SLC13A3: variants seen among roughly 807,000 people sequenced by gnomAD.
The protein encoded by SLC13A3 is Na(+)/dicarboxylate cotransporter 3.
Under a neutral mutation model 59.0 loss-of-function variants are expected in SLC13A3, and 40 were observed. The observed-to-expected ratio is 0.68, with a 90% CI of 0.53 to 0.88. The LOEUF is 0.88. SLC13A3 is among the 40% of genes least tolerant of loss of function. The probability of loss-of-function intolerance (pLI) is 0.00; values close to 1 mark genes in which losing one functional copy is unlikely to be tolerated. For missense variants in SLC13A3, 699 were observed against 783.2 expected (o/e 0.89, Z 1.28); for synonymous variants, 317 against 330.3 (o/e 0.96, Z 0.44).
upstream of SLC13A3, among the ~76,000 whole-genome samples, chr20:46,673,215 C>T (rs1212589792): frequency 1.3e-5 from 2 of 152,174 alleles, no homozygotes; most frequent in East Asian, 3.9e-4. Context: ...TCGTTTAGCA[C>T]AGGACCAGGT....
chr20:46,608,881 G>T, intron 3 of SLC13A3: 1 of 1,549,146 alleles, frequency 6.5e-7, no homozygotes, highest in Non-Finnish European at 8.7e-7. Flanking sequence ...CTGTCTTTGG[G>T]TCCCAGGTGC....
At chr20:46,633,585 C>G (rs1463959778) in intron 1 of SLC13A3, among the ~76,000 whole-genome samples, 1 of 152,236 alleles carries the variant, frequency 6.6e-6, no homozygotes, top group Non-Finnish European at 1.5e-5. Flanking sequence ...GGGCAACTCT[C>G]CCTCATGGCC....
intron 12 of SLC13A3, 119 bp downstream of exon 12, chr20:46,563,295 G>C: frequency 8.6e-7 from 1 of 1,165,936 alleles, no homozygotes; most frequent in South Asian, 1.6e-5. Context: ...CACTCAGAAA[G>C]ATCTATTCAG....
chr20:46,590,567 T>C (rs953169021), intron 6 of SLC13A3, among the ~76,000 whole-genome samples: 2 of 152,194 alleles, frequency 1.3e-5, no homozygotes, highest in African/African-American at 4.8e-5. Context: ...AAACTTTTCA[T>C]ATGCTTCCAA....
At chr20:46,618,853 G>A (rs533279537) in intron 1 of SLC13A3, among the ~76,000 whole-genome samples, 2 of 152,246 alleles carry the variant, frequency 1.3e-5, no homozygotes, top group South Asian at 2.1e-4. Flanking sequence ...AGATTTCTCC[G>A]GTTTCAGAAG....
At position 46,577,484 on chromosome 20, in the gene SLC13A3, T is replaced by C. The variant is rs142789670; in HGVS notation, c.1220-1799A>G. Reference sequence around the variant, plus strand: ...CGTTTCATTAAAGAAGTACAAGAAGTCTGAAAAAGTGAAGCGACTTGCCCC... The same window carrying C: ...CGTTTCATTAAAGAAGTACAAGAAGCCTGAAAAAGTGAAGCGACTTGCCCC... On this transcript the variant is annotated intron_variant, in intron 9 of 12. Transcript: ENST00000279027. Among the ~76,000 whole-genome samples, 159 of 152,184 alleles carry C rather than the reference T, an allele frequency of 1.0e-3. 1 individual carries two copies. Among genetic ancestry groups the C allele is most frequent in the African/African-American group, 3.6e-3 (149 of 41,512 alleles).
chr20:46,595,147 T>C (rs2062298065), intron 5 of SLC13A3, among the ~76,000 whole-genome samples: 3 of 152,332 alleles, frequency 2.0e-5, no homozygotes, highest in African/African-American at 7.2e-5. Context: ...CAAATGAACC[T>C]ATGCTACATC....
upstream of SLC13A3, among the ~76,000 whole-genome samples, chr20:46,653,150 G>T (rs2062963950): frequency 6.6e-6 from 1 of 152,126 alleles, no homozygotes; most frequent in Admixed American, 6.5e-5. Context: ...AATTCTAGAT[G>T]TCAGTTCTTT....
Position 46,588,147 on chromosome 20 carries a change from C to T in SLC13A3, c.1033G>A (p.Val345Ile), listed in dbSNP as rs2062213651. Residue 345 changes from valine (V) to isoleucine (I), a missense_variant, in exon 8 of 13, where the codon GTT becomes ATT. By Grantham distance (29) the Val-to-Ile change is conservative (BLOSUM62 3). Coordinates refer to ENST00000279027, the MANE Select transcript of SLC13A3 (RefSeq NM_022829.6). ...GCAAACATGCAGAAAAGGATGAAAA[C>T]AGCCTGTTCGGCAAACCTGTGGCAC... is the stretch of plus-strand genomic sequence containing the variant. ...LGPIKFAEQAVFILFCMFAIL... is the reference protein window; with the variant it reads ...LGPIKFAEQAIFILFCMFAIL... The T allele has an allele frequency of 1.2e-6, 2 of 1,611,416 alleles. No individual in the cohort carries two copies. The highest frequency in any genetic ancestry group is 2.2e-5 in the South Asian group (2 of 90,842).
chr20:46,656,044 TA>T (rs886648591), upstream of SLC13A3, among the ~76,000 whole-genome samples: 458 of 143,864 alleles, frequency 3.2e-3, 3 homozygotes, highest in African/African-American at 0.01. Flanking sequence ...TACAGTATAC[TA>T]TATATACATA....
intron 5 of SLC13A3, among the ~76,000 whole-genome samples, chr20:46,595,647 C>T (rs6090520): frequency 0.027 from 4,165 of 152,284 alleles, 136 homozygotes; most frequent in African/African-American, 0.074. Context: ...AACCTTTTGT[C>T]TTCTCACCTT....
chr20:46,612,631 G>C (rs146471269), intron 2 of SLC13A3, among the ~76,000 whole-genome samples: 1 of 151,940 alleles, frequency 6.6e-6, no homozygotes, highest in African/African-American at 2.4e-5. Flanking sequence ...TTAGATAATT[G>C]CATTTTGCTG....
At chr20:46,632,910 T>TAGACAGACAGACAG (rs1314009715) in intron 1 of SLC13A3, among the ~76,000 whole-genome samples, 4 of 73,562 alleles carry the variant, frequency 5.4e-5, no homozygotes, top group African/African-American at 1.0e-4. Context: ...GATAGATAGA[T>TAGACAGACAGACAG]ATATCTATCT....
intron 4 of SLC13A3, among the ~76,000 whole-genome samples, chr20:46,597,470 CTT>C (rs1194723967): frequency 6.6e-6 from 1 of 152,162 alleles, no homozygotes; most frequent in Non-Finnish European, 1.5e-5. Context: ...GAGCTTCACT[CTT>C]GTCACCCAGG....
intron 1 of SLC13A3, among the ~76,000 whole-genome samples, chr20:46,626,097 TTCTC>T (rs74176872): frequency 7.3e-4 from 107 of 145,838 alleles, no homozygotes; most frequent in South Asian, 2.0e-3. Context: ...CAAAGCTGTA[TTCTC>T]TCTCTCTCTC....
At chr20:46,674,405 T>C (rs75552630), upstream of SLC13A3, among the ~76,000 whole-genome samples, 130 of 152,292 alleles carry the variant, frequency 8.5e-4, 2 homozygotes, top group East Asian at 0.023. Flanking sequence ...GATCGTTGAC[T>C]AACCCTGGGT....
intron 1 of SLC13A3, among the ~76,000 whole-genome samples, chr20:46,624,922 G>A (rs1387624688): frequency 6.6e-6 from 1 of 152,124 alleles, no homozygotes; most frequent in African/African-American, 2.4e-5. Context: ...AACTAGAGGG[G>A]GAGCAGCCAG....
At chr20:46,581,545 A>G (rs951473666) in intron 9 of SLC13A3, among the ~76,000 whole-genome samples, 1 of 152,202 alleles carries the variant, frequency 6.6e-6, no homozygotes, top group African/African-American at 2.4e-5. Context: ...AGCAGAAGCC[A>G]GGAGGAAACA....
intron 9 of SLC13A3, among the ~76,000 whole-genome samples, chr20:46,577,959 T>C (rs2062095429): frequency 6.6e-6 from 1 of 151,932 alleles, no homozygotes; most frequent in Non-Finnish European, 1.5e-5. Context: ...CCCAGGGCTT[T>C]GCCCAGAGCA....
Sources: allele counts gnomAD v4.1 joint callset (sites outside exome capture counted in the v4.1 genomes callset), GRCh38; gene constraint gnomAD v4.1.1; transcripts MANE v1.5; gene names NCBI Gene and HGNC (gene_info 2026-07-23, HGNC 2026-07-21).